Variants in NAA11 observed in about 807,000 individuals in gnomAD.
NAA11 encodes the protein N-alpha-acetyltransferase 11, NatA catalytic subunit.
Under a neutral mutation model 16.1 loss-of-function variants are expected in NAA11, and 15 were observed. The ratio of observed to expected loss-of-function variants is 0.93; its 90% CI spans 0.62 to 1.44. The LOEUF is 1.44. Ranked by LOEUF, NAA11 falls within the 40% of genes most tolerant of loss-of-function variation. NAA11 has a pLI of 0.00. For synonymous variants in NAA11, 122 were observed against 112.4 expected (o/e 1.09, Z -0.54); for missense variants, 298 against 291.3 (o/e 1.02, Z -0.17).
chr4:79,305,576 T>C (rs1049187356), intron 1 of NAA11, among the ~76,000 whole-genome samples: 1 of 152,226 alleles, frequency 6.6e-6, no homozygotes, highest in African/African-American at 2.4e-5. Context: ...ATGTCCTGGT[T>C]CACAAAAGCT....
At chr4:79,321,599 T>A (rs572194142) in intron 1 of NAA11, among the ~76,000 whole-genome samples, 96 of 152,304 alleles carry the variant, frequency 6.3e-4, no homozygotes, top group African/African-American at 2.3e-3. Flanking sequence ...AACCTCTAAC[T>A]GAAATCTGGC....
chr4:79,279,925 A>G (rs1046939539), intron 2 of NAA11, among the ~76,000 whole-genome samples: 6 of 151,994 alleles, frequency 3.9e-5, no homozygotes, highest in Non-Finnish European at 8.8e-5. Flanking sequence ...GAGCAGAAAT[A>G]AAAGATCTGT....
intron 2 of NAA11, among the ~76,000 whole-genome samples, chr4:79,288,647 C>T (rs1723006306): frequency 6.6e-6 from 1 of 152,016 alleles, no homozygotes; most frequent in Non-Finnish European, 1.5e-5. Flanking sequence ...TTATGCTTGG[C>T]TTTATAGATA....
At chr4:79,207,183 C>T in the NAA11 span, among the ~76,000 whole-genome samples, 1 of 151,774 alleles carries the variant, frequency 6.6e-6, no homozygotes, top group African/African-American at 2.4e-5. Context: ...ATTTGGATGC[C>T]ATTTATTCCT....
intron 1 of NAA11, among the ~76,000 whole-genome samples, chr4:79,322,505 G>GTGTA (rs71821147): frequency 2.2e-3 from 325 of 150,178 alleles, no homozygotes; most frequent in East Asian, 8.9e-3. Context: ...GTGTGTGTGT[G>GTGTA]TATATATATA....
chr4:79,165,775 AG>A, the NAA11 span, among the ~76,000 whole-genome samples: 8 of 152,216 alleles, frequency 5.3e-5, no homozygotes, highest in Non-Finnish European at 1.2e-4. Flanking sequence ...ACAATCCTGA[AG>A]GTAGACGGAA....
chr4:79,322,515 ATAT>A (rs1232406331), intron 1 of NAA11, among the ~76,000 whole-genome samples: 1 of 151,500 alleles, frequency 6.6e-6, no homozygotes, highest in East Asian at 1.9e-4. Flanking sequence ...GTATATATAT[ATAT>A]ATGGTTTTAA....
At chr4:79,267,834 T>A (rs1299410956) in intron 2 of NAA11, among the ~76,000 whole-genome samples, 1 of 152,094 alleles carries the variant, frequency 6.6e-6, no homozygotes, top group Non-Finnish European at 1.5e-5. Context: ...GACGTTTGCA[T>A]TGCTGTTTCC....
intron 2 of NAA11, among the ~76,000 whole-genome samples, chr4:79,240,346 T>C (rs1050069137): frequency 2.0e-5 from 3 of 152,152 alleles, no homozygotes; most frequent in African/African-American, 7.2e-5. Context: ...ATAGTGTCAG[T>C]TGAGAGATAA....
intron 2 of NAA11, among the ~76,000 whole-genome samples, chr4:79,256,773 C>G (rs1419796372): frequency 6.6e-6 from 1 of 151,294 alleles, no homozygotes; most frequent in Non-Finnish European, 1.5e-5. Context: ...ATGCCTCAGC[C>G]TCCTGAGTAG....
downstream of NAA11, chr4:79,316,573 T>C (rs1282824148): frequency 6.6e-6 from 1 of 152,192 alleles, no homozygotes; most frequent in Non-Finnish European, 1.5e-5. Flanking sequence ...CATAAAAGTT[T>C]AAACATGAAA....
chr4:79,293,826 C>T (rs1353618225), intron 2 of NAA11, among the ~76,000 whole-genome samples: 2 of 152,118 alleles, frequency 1.3e-5, no homozygotes, highest in African/African-American at 4.8e-5. Context: ...AAACTAAATT[C>T]CCAGTGCAAC....
chr4:79,319,720 C>T (rs1308559681), intron 1 of NAA11, among the ~76,000 whole-genome samples: 1 of 152,186 alleles, frequency 6.6e-6, no homozygotes. Flanking sequence ...TATTTTATCT[C>T]TTCCCAACCC....
At chr4:79,265,762 GT>G (rs377066786) in intron 2 of NAA11, among the ~76,000 whole-genome samples, 1 of 49,740 alleles carries the variant, frequency 2.0e-5, no homozygotes, top group Non-Finnish European at 5.5e-5. Flanking sequence ...CAGATTCTGT[GT>G]TTTTTTTTGT....
At chr4:79,166,714 C>A in the NAA11 span, among the ~76,000 whole-genome samples, 1 of 147,706 alleles carries the variant, frequency 6.8e-6, no homozygotes, top group African/African-American at 2.5e-5. Context: ...CTAAAAAATA[C>A]AAAAATTAGC....
At chr4:79,303,073 CTTTTAT>C (rs1723443156) in intron 1 of NAA11, among the ~76,000 whole-genome samples, 2 of 67,968 alleles carry the variant, frequency 2.9e-5, no homozygotes, top group Admixed American at 1.7e-4. Context: ...CTCTTGAGGC[CTTTTAT>C]ATATATATAT....
chr4:79,283,038 G>C (rs1358805143), intron 2 of NAA11, among the ~76,000 whole-genome samples: 1 of 152,068 alleles, frequency 6.6e-6, no homozygotes, highest in East Asian at 1.9e-4. Context: ...CAACGCTGCT[G>C]AGAAGTCTCT....
At position 79,244,077 on chromosome 4, in the gene NAA11, A is replaced by G. The variant is rs552038090; in HGVS notation, c.*123-17807T>C. Among the ~76,000 whole-genome samples the G allele has an allele frequency of 2.0e-5, 3 of 152,340 alleles. No homozygotes were observed. In the South Asian group the frequency reaches 6.2e-4, roughly 32 times the overall value. On this transcript the variant is annotated intron_variant and NMD_transcript_variant, in intron 2 of 2. Coordinates refer to the NAA11 transcript ENST00000511542. ...ATGCCATTTTTGTATCTTAAGGTGC[A>G]TGACCAGGAAGTTACTTCTCCCTGG...
chr4:79,178,919 A>AG, the NAA11 span, among the ~76,000 whole-genome samples: 2 of 152,198 alleles, frequency 1.3e-5, no homozygotes, highest in African/African-American at 2.4e-5. Flanking sequence ...GCCCTAAGAC[A>AG]GGAAAGAACT....
Sources: allele counts gnomAD v4.1 joint callset (sites outside exome capture counted in the v4.1 genomes callset), GRCh38; gene constraint gnomAD v4.1.1; transcripts MANE v1.5; gene names NCBI Gene and HGNC (gene_info 2026-07-23, HGNC 2026-07-21).